Variants in FYN observed in about 807,000 individuals in gnomAD.
FYN encodes the protein tyrosine-protein kinase Fyn.
FYN carries 10 observed loss-of-function variants against 70.2 expected under a neutral mutation model. The ratio of observed to expected loss-of-function variants is 0.14; its 90% CI spans 0.09 to 0.24. FYN has a LOEUF of 0.24. FYN is among the 10% of genes least tolerant of loss of function. The pLI is 1.00. For synonymous variants in FYN, 236 were observed against 248.6 expected (o/e 0.95, Z 0.48); for missense variants, 319 against 673.1 (o/e 0.47, Z 5.82).
chr6:111,719,438 A>T (rs961926048), intron 4 of FYN, among the ~76,000 whole-genome samples: 2 of 152,184 alleles, frequency 1.3e-5, no homozygotes, highest in Non-Finnish European at 2.9e-5. Flanking sequence ...CTAATTCAAA[A>T]GACTGGGACA....
intron 2 of FYN, among the ~76,000 whole-genome samples, chr6:111,782,399 G>C (rs915730432): frequency 2.6e-5 from 4 of 152,134 alleles, no homozygotes; most frequent in African/African-American, 9.7e-5. Flanking sequence ...ATGAGCTCAG[G>C]TAATCATTAA....
At chr6:111,849,016 G>A (rs904340947) in intron 1 of FYN, among the ~76,000 whole-genome samples, 10 of 152,120 alleles carry the variant, frequency 6.6e-5, no homozygotes, top group Middle Eastern at 3.2e-3. Context: ...GTGCATGTGC[G>A]TACAGATATA....
At chr6:111,753,712 TG>T (rs1802586228) in intron 3 of FYN, among the ~76,000 whole-genome samples, 1 of 151,982 alleles carries the variant, frequency 6.6e-6, no homozygotes, top group African/African-American at 2.4e-5. Context: ...AAACAATTTG[TG>T]GGGAAGTGTT....
intron 3 of FYN, among the ~76,000 whole-genome samples, chr6:111,739,640 C>T (rs998577262): frequency 1.1e-4 from 17 of 152,224 alleles, no homozygotes; most frequent in Non-Finnish European, 2.1e-4. Context: ...CCACTTCTCT[C>T]CTCCTCCTGC....
At chr6:111,753,690 C>T (rs1414704874) in intron 3 of FYN, among the ~76,000 whole-genome samples, 1 of 151,306 alleles carries the variant, frequency 6.6e-6, no homozygotes, top group African/African-American at 2.4e-5. Context: ...GGTTTAGCAG[C>T]AGCATGTGTA....
At chr6:111,782,243 G>A (rs755323737) in intron 2 of FYN, among the ~76,000 whole-genome samples, 16 of 152,156 alleles carry the variant, frequency 1.1e-4, no homozygotes, top group Non-Finnish European at 2.2e-4. Context: ...AGCCTTTTAA[G>A]TTGTCAGGGA....
intron 3 of FYN, among the ~76,000 whole-genome samples, chr6:111,777,904 G>C (rs2128505099): frequency 6.6e-6 from 1 of 152,196 alleles, no homozygotes; most frequent in East Asian, 1.9e-4. Flanking sequence ...AAGAGGATGA[G>C]CTGCGCCTGG....
intron 2 of FYN, among the ~76,000 whole-genome samples, chr6:111,837,500 A>C (rs1773224904): frequency 6.6e-6 from 1 of 152,132 alleles, no homozygotes; most frequent in South Asian, 2.1e-4. Flanking sequence ...CCCTCTTGCC[A>C]TTCTTCTACC....
At chr6:111,693,428 A>G (rs1799436324) in intron 12 of FYN, among the ~76,000 whole-genome samples, 1 of 152,074 alleles carries the variant, frequency 6.6e-6, no homozygotes. Context: ...TGAGGAGCCT[A>G]TACTCGATTG....
chr6:111,768,323 G>T (rs1054370910), intron 3 of FYN, among the ~76,000 whole-genome samples: 1 of 152,232 alleles, frequency 6.6e-6, no homozygotes, highest in African/African-American at 2.4e-5. Context: ...CTGAGTGAAT[G>T]AATGATTGTT....
chr6:111,764,238 G>GAAAAAAAAAAAAAAAAAAAAAA (rs753761011), intron 3 of FYN, among the ~76,000 whole-genome samples: 1 of 87,120 alleles, frequency 1.1e-5, no homozygotes, highest in Non-Finnish European at 2.3e-5. Context: ...AAAAAGAAAA[G>GAAAAAAAAAAAAAAAAAAAAAA]AAAAAAAAAG....
intron 2 of FYN, among the ~76,000 whole-genome samples, chr6:111,790,591 C>A (rs1484367030): frequency 8.5e-5 from 13 of 152,204 alleles, no homozygotes; most frequent in Non-Finnish European, 1.9e-4. Context: ...CCTGTTTTAT[C>A]CACCTGCGCC....
intron 13 of FYN, among the ~76,000 whole-genome samples, chr6:111,672,278 C>T (rs928588704): frequency 2.6e-5 from 4 of 152,246 alleles, no homozygotes; most frequent in African/African-American, 7.2e-5. Flanking sequence ...GTCTGGCTTA[C>T]TTGCCTTCCC....
intron 1 of FYN, 24 bp downstream of exon 1, chr6:111,872,944 G>A (rs1264976313): frequency 6.7e-6 from 1 of 150,120 alleles, no homozygotes; most frequent in Non-Finnish European, 1.5e-5. Flanking sequence ...GGCCTCCCGC[G>A]ACGCATCCCC....
chr6:111,698,428 C>T (rs886302149), intron 9 of FYN, among the ~76,000 whole-genome samples: 1 of 152,122 alleles, frequency 6.6e-6, no homozygotes, highest in Non-Finnish European at 1.5e-5. Context: ...CCACTGTGCC[C>T]GGCCACCTGT....
chr6:111,667,014 C>T (rs943229603), intron 13 of FYN, among the ~76,000 whole-genome samples: 4 of 152,300 alleles, frequency 2.6e-5, no homozygotes, highest in Middle Eastern at 3.4e-3. Flanking sequence ...CACTTCCTGC[C>T]ATTATGATTA....
At chr6:111,736,376 C>A (rs750015226) in intron 3 of FYN, among the ~76,000 whole-genome samples, 51 of 152,152 alleles carry the variant, frequency 3.4e-4, no homozygotes, top group Non-Finnish European at 5.7e-4. Flanking sequence ...CATATACAGG[C>A]TTAGAACAGT....
intron 1 of FYN, among the ~76,000 whole-genome samples, chr6:111,868,610 T>C (rs908484794): frequency 1.3e-5 from 2 of 152,238 alleles, no homozygotes; most frequent in African/African-American, 4.8e-5. Flanking sequence ...AGCATTTCAG[T>C]CACCCTCCCT....
chr6:111,716,362 T>C (rs567105998), intron 4 of FYN, among the ~76,000 whole-genome samples: 1 of 152,170 alleles, frequency 6.6e-6, no homozygotes, highest in African/African-American at 2.4e-5. Flanking sequence ...TAGTGAAAAT[T>C]ACATAGTCAT....
Sources: gnomAD v4.1 joint callset for allele counts (sites outside exome capture counted in the v4.1 genomes callset) on GRCh38, gnomAD v4.1.1 for gene constraint, MANE v1.5 for transcripts, NCBI Gene and HGNC (gene_info 2026-07-23, HGNC 2026-07-21) for gene names.